Variants in BLMH observed in about 807,000 individuals in gnomAD.
BLMH encodes bleomycin hydrolase, also known as BLM hydrolase.
A neutral mutation model predicts 61.6 loss-of-function variants in BLMH; 32 were observed. The observed-to-expected ratio is 0.52, with a 90% CI of 0.39 to 0.70. BLMH has a LOEUF of 0.70. Among genes scored for constraint, BLMH ranks in the 30% least tolerant of loss-of-function variants. BLMH has a pLI of 0.00. For synonymous variants in BLMH, 183 were observed against 193.8 expected, an observed-to-expected ratio of 0.94 and a Z score of 0.46; for missense variants, 460 against 555.5, an observed-to-expected ratio of 0.83 and a Z score of 1.73.
At chr17:30,259,258 T>C (rs986222929) in intron 11 of BLMH, among the ~76,000 whole-genome samples, 1 of 152,228 alleles carries the variant, frequency 6.6e-6, no homozygotes, top group Non-Finnish European at 1.5e-5. Context: ...AACGAAGTAC[T>C]GACATGCTGC....
At chr17:30,266,595 GGGCAC>G (rs1387877760) in intron 11 of BLMH, among the ~76,000 whole-genome samples, 1 of 151,756 alleles carries the variant, frequency 6.6e-6, no homozygotes, top group Non-Finnish European at 1.5e-5. Context: ...GTCCTGGCAA[GGGCAC>G]TCAACCTCCT....
chr17:30,257,824 T>C (rs1382322479), intron 11 of BLMH, among the ~76,000 whole-genome samples: 3 of 152,140 alleles, frequency 2.0e-5, no homozygotes, highest in African/African-American at 4.8e-5. Flanking sequence ...CTTCTTCCAG[T>C]TGAGCACTCT....
chr17:30,276,520 T>A (rs1908429325), intron 6 of BLMH, among the ~76,000 whole-genome samples: 1 of 152,202 alleles, frequency 6.6e-6, no homozygotes, highest in Non-Finnish European at 1.5e-5. Context: ...CTTTATAGCA[T>A]CTAGCAGTGC....
intron 7 of BLMH, 154 bp from the exon 8 acceptor site, chr17:30,273,053 G>C: frequency 1.2e-6 from 1 of 802,326 alleles, no homozygotes; most frequent in East Asian, 2.7e-5. Context: ...AGAAACACAA[G>C]GTGGCAAAAT....
In BLMH at chr17:30,285,255, T is replaced by C. The variant is rs1368111431; in HGVS notation, c.645+133A>G. ...AGTTTTAAGCTCAGTTTTTTCAGTG[T>C]AAAATAAGTAATTTTCAATTCAATT... On this transcript the variant is annotated intron_variant, in intron 6 of 11. Transcript: ENST00000261714. 3 of 656,434 alleles carry C rather than the reference T, an allele frequency of 4.6e-6. No individual in the cohort carries two copies. The African/African-American group carries it at 5.6e-5, about 12-fold the overall frequency. 40.7% of individuals were successfully genotyped at this position (656,434 alleles called of 1,614,324 possible).
intron 11 of BLMH, among the ~76,000 whole-genome samples, chr17:30,253,943 GAAAA>G (rs1447130742): frequency 2.0e-5 from 3 of 152,112 alleles, no homozygotes; most frequent in Non-Finnish European, 4.4e-5. Context: ...TCTGTAAAGG[GAAAA>G]ACAGTGTCTG....
In BLMH at chr17:30,285,418, G is replaced by T. The variant is rs768248635; in HGVS notation, c.615C>A (p.Ile205=). 3.7e-6 allele frequency: 6 copies of T among 1,611,992 alleles called. No homozygotes were observed. Among genetic ancestry groups the T allele is most frequent in the Non-Finnish European group, 5.1e-6 (6 of 1,179,066 alleles). ...LVHSGATKGE[I]SATQDVMMEE... ...CCATCATGACGTCCTGTGTGGCCGAGATTTCTCCTTTGGTTGCTCCACTGT... is the reference window on the plus strand; with the variant it reads ...CCATCATGACGTCCTGTGTGGCCGATATTTCTCCTTTGGTTGCTCCACTGT... The change falls in exon 6 of 12, where the codon ATC becomes ATA. Residue 205 remains isoleucine, a synonymous_variant. Transcript: ENST00000261714.
At chr17:30,266,441 C>T (rs1239077007) in intron 11 of BLMH, among the ~76,000 whole-genome samples, 1 of 146,930 alleles carries the variant, frequency 6.8e-6, no homozygotes, top group Admixed American at 7.0e-5. Flanking sequence ...AGGAGAATGG[C>T]GTGAACCCGG....
At chr17:30,256,750 G>A (rs571680017) in intron 11 of BLMH, among the ~76,000 whole-genome samples, 81 of 151,062 alleles carry the variant, frequency 5.4e-4, no homozygotes, top group African/African-American at 1.9e-3. Context: ...AAAAAAGAAG[G>A]ATAAGTGAGA....
intron 11 of BLMH, among the ~76,000 whole-genome samples, chr17:30,251,001 A>T (rs1034246439): frequency 2.0e-5 from 3 of 152,228 alleles, no homozygotes; most frequent in African/African-American, 7.2e-5. Context: ...ACCAAATATC[A>T]TATGTTCTCA....
chr17:30,289,569 CA>C, intron 2 of BLMH, 87 bp from the exon 3 acceptor site: 1 of 810,784 alleles, frequency 1.2e-6, no homozygotes. Flanking sequence ...GAACTCATGA[CA>C]CGATCTGGAC....
At position 30,275,294 on chromosome 17, in the gene BLMH, G is replaced by C. The variant is rs1908387780; in HGVS notation, c.646-1097C>G. 2.0e-5 allele frequency among the ~76,000 whole-genome samples: 3 copies of C among 152,278 alleles called. No individual in the cohort carries two copies. The South Asian group carries it at 6.2e-4, about 32-fold the overall frequency. On this transcript the variant is annotated intron_variant, in intron 6 of 11. Transcript: ENST00000261714. ...GTTGTGAGACAACATATTTTCTAAT[G>C]ATGTCACAACACCTTCAAGTTAACA...
chr17:30,270,076 T>C (rs147984845), intron 10 of BLMH, among the ~76,000 whole-genome samples: 268 of 152,202 alleles, frequency 1.8e-3, no homozygotes, highest in African/African-American at 6.2e-3. Flanking sequence ...CTGCATAGAG[T>C]ATAAAAAGCA....
intron 10 of BLMH, among the ~76,000 whole-genome samples, chr17:30,267,848 A>G (rs1363092595): frequency 2.0e-5 from 3 of 152,230 alleles, no homozygotes; most frequent in Non-Finnish European, 4.4e-5. Context: ...TTATCGCCTA[A>G]TGATTTCATC....
chr17:30,259,369 T>C (rs967547684), intron 11 of BLMH, among the ~76,000 whole-genome samples: 1 of 152,126 alleles, frequency 6.6e-6, no homozygotes, highest in Non-Finnish European at 1.5e-5. Flanking sequence ...CCTTGACCCA[T>C]TTTCTGTCTG....
In BLMH at chr17:30,271,232, T is replaced by C. The variant is rs1046564466; in HGVS notation, c.1146+39A>G. On this transcript the variant is annotated intron_variant, in intron 10 of 11. Transcript: ENST00000261714. ...CAGTCTACAGGAGAATGTAGATCCA[T>C]CTGTGCAAACACTCCAGCAGGCATG... is the stretch of plus-strand genomic sequence containing the variant. 5.8e-6 allele frequency: 8 copies of C among 1,377,666 alleles called. No individual in the cohort carries two copies. In the Admixed American group the frequency reaches 1.0e-4, roughly 17 times the overall value. 85.3% of individuals were successfully genotyped at this position (1,377,666 alleles called of 1,614,324 possible).
At chr17:30,284,748 C>T (rs892243006) in intron 6 of BLMH, among the ~76,000 whole-genome samples, 4 of 152,188 alleles carry the variant, frequency 2.6e-5, no homozygotes, top group Admixed American at 6.5e-5. Flanking sequence ...GTTCTGGCAT[C>T]GATCCAACAT....
chr17:30,272,391 T>C lies in BLMH; in HGVS notation c.1028+170A>G, dbSNP rs970988863. ...TCCTGGGTTAGAGTGTTTAAGTATG[T>C]GGAGTTTCTGCTATGAGTCCTCAAA... On this transcript the variant is annotated intron_variant, in intron 9 of 11. Coordinates refer to ENST00000261714, the MANE Select transcript of BLMH (RefSeq NM_000386.4). 7 of 724,002 alleles carry C rather than the reference T, an allele frequency of 9.7e-6. No homozygotes were observed. In the African/African-American group the frequency reaches 1.1e-4, roughly 11 times the overall value. The allele number at this position is 724,002 out of a possible 1,614,324, so 44.8% of individuals were successfully genotyped here.
chr17:30,279,662 T>C (rs1908529011), intron 6 of BLMH, among the ~76,000 whole-genome samples: 2 of 152,098 alleles, frequency 1.3e-5, no homozygotes, highest in Admixed American at 1.3e-4. Flanking sequence ...TCAGGCCAGA[T>C]GCAGTGGCTC....
Sources: allele counts gnomAD v4.1 joint callset (sites outside exome capture counted in the v4.1 genomes callset), GRCh38; gene constraint gnomAD v4.1.1; transcripts MANE v1.5; gene names NCBI Gene and HGNC (gene_info 2026-07-23, HGNC 2026-07-21).